The following GMDS variants were observed in gnomAD, a reference collection of about 807,000 sequenced individuals.
GMDS encodes GDP-mannose 4,6 dehydratase.
A neutral mutation model predicts 49.9 loss-of-function variants in GMDS; 20 were observed. The observed-to-expected ratio is 0.40, with a 90% CI of 0.28 to 0.58. The LOEUF is 0.58. Ranked by LOEUF, GMDS falls within the 20% of genes least tolerant of loss-of-function variation. The pLI, the probability that GMDS is intolerant of heterozygous loss-of-function variation, is 0.42. For synonymous variants in GMDS, 177 were observed against 178.6 expected (o/e 0.99, Z 0.07); for missense variants, 362 against 481.4 (o/e 0.75, Z 2.32).
chr6:1,908,371 T>C (rs1267491481), intron 7 of GMDS, among the ~76,000 whole-genome samples: 1 of 152,194 alleles, frequency 6.6e-6, no homozygotes, highest in South Asian at 2.1e-4. Context: ...ACCGTACCAT[T>C]CTTTGTAGGT....
intron 9 of GMDS, among the ~76,000 whole-genome samples, chr6:1,675,236 G>A (rs572771970): frequency 3.3e-5 from 5 of 151,958 alleles, no homozygotes; most frequent in Admixed American, 2.6e-4. Flanking sequence ...AATTGCACTC[G>A]TTCGTTGTTA....
chr6:1,885,154 A>C (rs1490973564), intron 7 of GMDS, among the ~76,000 whole-genome samples: 1 of 152,218 alleles, frequency 6.6e-6, no homozygotes, highest in Non-Finnish European at 1.5e-5. Flanking sequence ...GTCTCAGAGC[A>C]CTTGACCCAG....
chr6:1,998,484 C>T (rs1053522478), intron 4 of GMDS, among the ~76,000 whole-genome samples: 16 of 152,128 alleles, frequency 1.1e-4, no homozygotes, highest in African/African-American at 3.6e-4. Flanking sequence ...TTACACAAAT[C>T]TGAGGAAAAG....
chr6:1,735,161 A>T (rs1386771291), intron 8 of GMDS, among the ~76,000 whole-genome samples: 2 of 152,188 alleles, frequency 1.3e-5, no homozygotes, highest in Non-Finnish European at 2.9e-5. Context: ...CCAGTGCCCA[A>T]GTACCCCCAG....
At chr6:1,826,237 A>G (rs548156926) in intron 7 of GMDS, among the ~76,000 whole-genome samples, 2 of 152,322 alleles carry the variant, frequency 1.3e-5, no homozygotes, top group South Asian at 4.1e-4. Context: ...TTGGATGGCT[A>G]CCACGTCACT....
intron 7 of GMDS, among the ~76,000 whole-genome samples, chr6:1,913,376 G>A (rs898920608): frequency 8.3e-4 from 90 of 108,158 alleles, no homozygotes; most frequent in African/African-American, 2.7e-3. Context: ...GCGAGACTCC[G>A]TCTCAAACAA....
At chr6:2,219,232 T>C (rs972780520) in intron 1 of GMDS, among the ~76,000 whole-genome samples, 2 of 152,176 alleles carry the variant, frequency 1.3e-5, no homozygotes, top group African/African-American at 2.4e-5. Context: ...CTGAATATAT[T>C]ACCTACCCAG....
At chr6:1,953,197 G>A (rs1282591785) in intron 6 of GMDS, among the ~76,000 whole-genome samples, 1 of 152,132 alleles carries the variant, frequency 6.6e-6, no homozygotes, top group Non-Finnish European at 1.5e-5. Flanking sequence ...CCTGGGTCAG[G>A]GCTTTCTCCT....
At chr6:2,155,456 C>T (rs1777067117) in intron 1 of GMDS, among the ~76,000 whole-genome samples, 1 of 152,014 alleles carries the variant, frequency 6.6e-6, no homozygotes, top group Admixed American at 6.6e-5. Flanking sequence ...ACCTTGTGAC[C>T]AAAGGCCCAA....
intron 7 of GMDS, among the ~76,000 whole-genome samples, chr6:1,841,034 A>G (rs964495108): frequency 3.9e-5 from 6 of 152,234 alleles, no homozygotes; most frequent in Non-Finnish European, 8.8e-5. Flanking sequence ...GACACACTGC[A>G]TAAACAGAAT....
intron 4 of GMDS, among the ~76,000 whole-genome samples, chr6:1,973,154 T>C (rs550670178): frequency 6.6e-6 from 1 of 152,204 alleles, no homozygotes; most frequent in Admixed American, 6.5e-5. Flanking sequence ...AAAAGCATCA[T>C]TGCTACATAA....
chr6:1,728,775 T>G (rs961319473), intron 8 of GMDS, among the ~76,000 whole-genome samples: 1 of 152,212 alleles, frequency 6.6e-6, no homozygotes, highest in African/African-American at 2.4e-5. Context: ...AGCCAGACAG[T>G]AAATACTTAA....
Position 2,124,711 on chromosome 6 carries a change from C to G in GMDS, c.123G>C (p.Glu41Asp). The G allele has an allele frequency of 2.5e-6, 4 of 1,613,840 alleles. No individual in the cohort carries two copies. Among genetic ancestry groups the G allele is most frequent in the Non-Finnish European group, 3.4e-6 (4 of 1,179,818 alleles). Residue 41 changes from glutamate (E) to aspartate (D), a missense_variant, in exon 2 of 11, where the codon GAG becomes GAC. By Grantham distance (45) the Glu-to-Asp change is conservative. Transcript: ENST00000380815. Reference sequence around the variant, plus strand: ...CCTCATAGCCTTTCTCCAGCAGGAACTCAGCCAGGTAGGAACCATCCTGGG... The same window carrying G: ...CCTCATAGCCTTTCTCCAGCAGGAAGTCAGCCAGGTAGGAACCATCCTGGG... ...ITGQDGSYLA[E>D]FLLEKGYEVH...
chr6:2,141,597 C>G (rs147580062), intron 1 of GMDS, among the ~76,000 whole-genome samples: 1 of 152,222 alleles, frequency 6.6e-6, no homozygotes, highest in East Asian at 1.9e-4. Context: ...AGATTCTGAA[C>G]AGGCAGGGAT....
chr6:1,629,209 C>T (rs995988137), intron 9 of GMDS, among the ~76,000 whole-genome samples: 3 of 152,182 alleles, frequency 2.0e-5, no homozygotes, highest in Non-Finnish European at 2.9e-5. Context: ...TACATGCTCA[C>T]GAATTTATCC....
chr6:1,646,275 C>G (rs891626927), intron 9 of GMDS, among the ~76,000 whole-genome samples: 2 of 152,180 alleles, frequency 1.3e-5, no homozygotes, highest in Admixed American at 6.5e-5. Flanking sequence ...TGGAGGATGA[C>G]AGCATCCTCC....
intron 7 of GMDS, among the ~76,000 whole-genome samples, chr6:1,765,316 C>A (rs924123281): frequency 1.3e-5 from 2 of 152,094 alleles, no homozygotes; most frequent in African/African-American, 2.4e-5. Context: ...TAAAGAGTTC[C>A]CAAGGCCACC....
chr6:2,059,776 A>T (rs1188482571), intron 4 of GMDS, among the ~76,000 whole-genome samples: 2 of 149,598 alleles, frequency 1.3e-5, no homozygotes, highest in Non-Finnish European at 3.0e-5. Flanking sequence ...TTAATCCTTA[A>T]ATACTTTTTA....
chr6:1,908,299 G>A (rs1022396305), intron 7 of GMDS, among the ~76,000 whole-genome samples: 1 of 152,198 alleles, frequency 6.6e-6, no homozygotes, highest in Non-Finnish European at 1.5e-5. Context: ...AATATTTTCA[G>A]ATCACGGTTG....
Sources: gnomAD v4.1 joint callset for allele counts (sites outside exome capture counted in the v4.1 genomes callset) on GRCh38, gnomAD v4.1.1 for gene constraint, MANE v1.5 for transcripts, NCBI Gene and HGNC (gene_info 2026-07-23, HGNC 2026-07-21) for gene names.